RPS6KA2: variants seen among roughly 807,000 people sequenced by gnomAD.
RPS6KA2 encodes the protein ribosomal protein S6 kinase A2.
In RPS6KA2, 42 loss-of-function variants were observed where a neutral mutation model predicts 91.8. That is an observed-to-expected ratio of 0.46 (90% CI 0.36 to 0.59). The LOEUF is 0.59. Ranked by LOEUF, RPS6KA2 falls within the 20% of genes least tolerant of loss-of-function variation. The pLI, the probability that RPS6KA2 is intolerant of heterozygous loss-of-function variation, is 0.00. For synonymous variants in RPS6KA2, 414 were observed against 393.6 expected (o/e 1.05, Z -0.61); for missense variants, 798 against 978.5 (o/e 0.82, Z 2.46).
intron 2 of RPS6KA2, among the ~76,000 whole-genome samples, chr6:166,647,508 T>C (rs1787644834): frequency 6.6e-6 from 1 of 152,206 alleles, no homozygotes; most frequent in Non-Finnish European, 1.5e-5. Context: ...ACACCGTCAA[T>C]AATTTCCTGT....
intron 2 of RPS6KA2, among the ~76,000 whole-genome samples, chr6:166,706,184 A>G (rs971044689): frequency 3.9e-5 from 6 of 152,192 alleles, no homozygotes; most frequent in Admixed American, 3.9e-4. Flanking sequence ...ACCTGCAATA[A>G]CCAATTACAG....
chr6:166,456,664 G>A (rs1780116551), intron 12 of RPS6KA2, among the ~76,000 whole-genome samples: 2 of 152,166 alleles, frequency 1.3e-5, no homozygotes, highest in African/African-American at 4.8e-5. Flanking sequence ...CTTATCCATT[G>A]CTTCAGAGTC....
At chr6:166,761,162 C>T (rs540018233) in intron 2 of RPS6KA2, among the ~76,000 whole-genome samples, 2 of 152,298 alleles carry the variant, frequency 1.3e-5, no homozygotes. Flanking sequence ...CTCCCGGGTT[C>T]AAGCAATTGT....
At chr6:166,420,186 G>C (rs780452378) in intron 17 of RPS6KA2, among the ~76,000 whole-genome samples, 1 of 152,192 alleles carries the variant, frequency 6.6e-6, no homozygotes, top group Non-Finnish European at 1.5e-5. Context: ...CCAGACACAT[G>C]ACAGACAGGC....
intron 15 of RPS6KA2, among the ~76,000 whole-genome samples, chr6:166,431,668 G>A (rs1340785489): frequency 1.3e-5 from 2 of 152,200 alleles, no homozygotes; most frequent in African/African-American, 4.8e-5. Flanking sequence ...CCAGGCTGGA[G>A]TGCAATGGTG....
At chr6:166,740,586 A>T (rs1417053945) in intron 2 of RPS6KA2, among the ~76,000 whole-genome samples, 1 of 152,242 alleles carries the variant, frequency 6.6e-6, no homozygotes, top group Non-Finnish European at 1.5e-5. Context: ...AAAAGCACAA[A>T]AATATTGAAA....
At position 166,529,807 on chromosome 6, in the gene RPS6KA2, G is replaced by A. The variant is rs374292729; in HGVS notation, c.298+1425C>T. Among the ~76,000 whole-genome samples, 18 of 152,084 alleles carry A rather than the reference G, an allele frequency of 1.2e-4. No homozygotes were observed. The East Asian group carries it at 2.5e-3, about 21-fold the overall frequency. On this transcript the variant is annotated intron_variant, in intron 3 of 20. Transcript: ENST00000265678. Reference sequence around the variant, plus strand: ...CTGTGTTTGTAACAGTCCTCTCCCCGCCCCCAAACACACAGACAATTCTAA... The same window carrying A: ...CTGTGTTTGTAACAGTCCTCTCCCCACCCCCAAACACACAGACAATTCTAA...
intron 2 of RPS6KA2, among the ~76,000 whole-genome samples, chr6:166,719,289 T>C (rs1456743740): frequency 6.6e-6 from 1 of 152,242 alleles, no homozygotes; most frequent in Non-Finnish European, 1.5e-5. Flanking sequence ...CTACAAAGAA[T>C]AGGTTTCCAC....
chr6:166,862,122 G>A, exon 1 of RPS6KA2: 1 of 1,614,212 alleles, frequency 6.2e-7, no homozygotes. Context: ...ATTTCCATAG[G>A]CTCCACCTCG....
chr6:166,818,760 T>A (rs60505825), intron 2 of RPS6KA2, among the ~76,000 whole-genome samples: 14,290 of 152,250 alleles, frequency 0.094, 853 homozygotes, highest in Admixed American at 0.17. Context: ...TCATTATTCT[T>A]CCGAGTATGC....
intron 1 of RPS6KA2, among the ~76,000 whole-genome samples, chr6:166,615,893 T>C (rs577485124): frequency 6.6e-6 from 1 of 152,330 alleles, no homozygotes; most frequent in African/African-American, 2.4e-5. Context: ...AACAAGGGGA[T>C]GGATCTGCTG....
At chr6:166,668,586 G>GCAGCT (rs1399488008) in intron 2 of RPS6KA2, among the ~76,000 whole-genome samples, 1 of 152,188 alleles carries the variant, frequency 6.6e-6, no homozygotes, top group African/African-American at 2.4e-5. Flanking sequence ...CTGCAGGGAA[G>GCAGCT]CAGCTCCTTA....
intron 2 of RPS6KA2, among the ~76,000 whole-genome samples, chr6:166,796,187 T>C (rs528983464): frequency 2.6e-5 from 4 of 152,086 alleles, no homozygotes; most frequent in Admixed American, 1.3e-4. Flanking sequence ...CTACGATAAA[T>C]CCCCACTCTG....
At chr6:166,631,727 G>A (rs1787083737), upstream of RPS6KA2, among the ~76,000 whole-genome samples, 1 of 152,196 alleles carries the variant, frequency 6.6e-6, no homozygotes, top group Admixed American at 6.5e-5. Context: ...AGCGAGAAGG[G>A]AGGGCCCTGC....
intron 15 of RPS6KA2, among the ~76,000 whole-genome samples, chr6:166,431,053 G>A (rs915393120): frequency 6.6e-6 from 1 of 152,046 alleles, no homozygotes; most frequent in Non-Finnish European, 1.5e-5. Flanking sequence ...TTAGCCTCCC[G>A]AGTAGCTGGG....
At chr6:166,671,073 A>G (rs953183979) in intron 2 of RPS6KA2, among the ~76,000 whole-genome samples, 2 of 152,156 alleles carry the variant, frequency 1.3e-5, no homozygotes, top group African/African-American at 4.8e-5. Context: ...TCTACCTCCC[A>G]AAGTGTTAGA....
rs1199939288 is a variant in RPS6KA2 at position 166,702,557 on chromosome 6, C to G, written c.123+155643G>C. ...TGGACTAGTCAACTATCCAGCACCT[C>G]CCACTGTAAGTGAGGAGGGATATTT... On this transcript the variant is annotated intron_variant, in intron 2 of 21. Transcript: ENST00000503859. 15 of 1,449,506 alleles carry G rather than the reference C, an allele frequency of 1.0e-5. No homozygotes were observed. The South Asian group carries it at 1.5e-4, about 14-fold the overall frequency. The allele number at this position is 1,449,506 out of a possible 1,614,324, so 89.8% of individuals were successfully genotyped here.
chr6:166,782,421 C>A (rs1161967272), intron 2 of RPS6KA2, among the ~76,000 whole-genome samples: 1 of 152,100 alleles, frequency 6.6e-6, no homozygotes, highest in African/African-American at 2.4e-5. Context: ...ATCTGGGGTC[C>A]CGGCAGGTTT....
intron 3 of RPS6KA2, among the ~76,000 whole-genome samples, chr6:166,528,653 G>T (rs377013525): frequency 0.19 from 28,513 of 150,044 alleles, 2,887 homozygotes; most frequent in African/African-American, 0.25. Flanking sequence ...TGGGAGAAAA[G>T]TTTTGCAATC....
Sources: gnomAD v4.1 joint callset for allele counts (sites outside exome capture counted in the v4.1 genomes callset) on GRCh38, gnomAD v4.1.1 for gene constraint, MANE v1.5 for transcripts, NCBI Gene and HGNC (gene_info 2026-07-23, HGNC 2026-07-21) for gene names.